Variants in POU2F2 observed in about 807,000 individuals in gnomAD.
POU2F2 encodes POU class 2 homeobox 2, also known as POU domain, class 2, transcription factor 2.
A neutral mutation model predicts 63.5 loss-of-function variants in POU2F2; 14 were observed. The ratio of observed to expected loss-of-function variants is 0.22; its 90% CI spans 0.15 to 0.34. The LOEUF is 0.34. Among genes scored for constraint, POU2F2 ranks in the 10% least tolerant of loss-of-function variants. POU2F2 has a pLI of 1.00. For missense variants in POU2F2, 607 were observed against 815.2 expected (o/e 0.74, Z 3.11); for synonymous variants, 306 against 348.6 (o/e 0.88, Z 1.36).
chr19:42,105,032 T>C (rs1039561440), intron 5 of POU2F2, among the ~76,000 whole-genome samples: 1 of 152,058 alleles, frequency 6.6e-6, no homozygotes, highest in African/African-American at 2.4e-5. Flanking sequence ...GCCTTCCCTT[T>C]CCCAGCTACC....
intron 4 of POU2F2, among the ~76,000 whole-genome samples, chr19:42,120,498 G>A (rs569549119): frequency 1.3e-5 from 2 of 152,316 alleles, no homozygotes; most frequent in South Asian, 2.1e-4. Context: ...GGGAATACAG[G>A]CATGAGCCAC....
At chr19:42,121,861 G>A (rs1167191149) in intron 4 of POU2F2, among the ~76,000 whole-genome samples, 1 of 152,166 alleles carries the variant, frequency 6.6e-6, no homozygotes, top group Non-Finnish European at 1.5e-5. Flanking sequence ...GTTGGGATGG[G>A]GGCGGGCCTT....
At position 42,117,326 on chromosome 19, in the gene POU2F2, G is replaced by T; in HGVS notation, c.293C>A (p.Ala98Glu). 1 of 1,526,202 alleles carries T rather than the reference G, an allele frequency of 6.6e-7. No homozygotes were observed. The highest frequency in any genetic ancestry group is 8.7e-7 in the Non-Finnish European group (1 of 1,148,622). 94.5% of individuals were successfully genotyped at this position (1,526,202 alleles called of 1,614,324 possible). A position where few individuals can be genotyped will look rare whatever the true frequency, so the allele number is the denominator to read the frequency against. The change falls in exon 5 of 15, where the codon GCA (alanine) becomes GAA (glutamate). Residue 98 changes from alanine to glutamate, a missense_variant. Ala to Glu is a moderately radical substitution (Grantham distance 107, BLOSUM62 -1). Transcript: ENST00000692977. This position sits in a 1 kb window ranked among gnomAD's most constrained non-coding sequence, Gnocchi z 4.4. Reference protein sequence around the residue: ...EDPSGDSAPAAPLPPQPAQPH... With the variant: ...EDPSGDSAPAEPLPPQPAQPH... The stretch of plus-strand genomic sequence containing the variant: ...CTGGGCCGGCTGAGGGGGCAGGGGT[G>T]CTGCTGGGGCTGAATCGCCACTGGG...
chr19:42,122,722 C>T, intron 1 of POU2F2, 146 bp from the exon 2 acceptor site: 1 of 722,640 alleles, frequency 1.4e-6, no homozygotes, highest in Non-Finnish European at 2.2e-6. Context: ...TCCCAAGAGA[C>T]ATGTCCTCCG....
chr19:42,133,977 G>A (rs1022113145), upstream of POU2F2, among the ~76,000 whole-genome samples: 1 of 150,946 alleles, frequency 6.6e-6, no homozygotes, highest in Admixed American at 6.6e-5. This position sits in a 1 kb window ranked among gnomAD's most constrained non-coding sequence, Gnocchi z 5.1. Flanking sequence ...CACGAGAGGT[G>A]ACCGTTTCCC....
At chr19:42,110,607 T>C (rs955169639) in intron 5 of POU2F2, 1 of 346,552 alleles carries the variant, frequency 2.9e-6, no homozygotes, top group Non-Finnish European at 5.9e-6. Flanking sequence ...CCTCCTTAAC[T>C]GTACAGGATC....
chr19:42,098,251 A>C (rs908255021), intron 7 of POU2F2, among the ~76,000 whole-genome samples: 1 of 152,090 alleles, frequency 6.6e-6, no homozygotes, highest in Non-Finnish European at 1.5e-5. Flanking sequence ...CATCTCTATT[A>C]AAAATACAAA....
intron 14 of POU2F2, 34 bp from the exon 15 acceptor site, chr19:42,091,625 A>T: frequency 3.2e-6 from 5 of 1,541,278 alleles, no homozygotes; most frequent in Non-Finnish European, 8.8e-7. Context: ...GGCTAAGGGC[A>T]TGCCGGGCCA....
At position 42,090,510 on chromosome 19, in the gene POU2F2, G is replaced by C. The variant is rs1473412772; in HGVS notation, c.*747C>G. Reference sequence around the variant, plus strand: ...GGAGGAGGTTAAAGCAAGACCCCCTGCCCAGGTGGGGAGAGCTGGGGGCCA... The same window carrying C: ...GGAGGAGGTTAAAGCAAGACCCCCTCCCCAGGTGGGGAGAGCTGGGGGCCA... On this transcript the variant is annotated 3_prime_UTR_variant, in exon 15 of 15. Coordinates refer to ENST00000692977, the MANE Select transcript of POU2F2 (RefSeq NM_001394376.1). The surrounding 1 kb of genome is among the most constrained non-coding windows in gnomAD (Gnocchi z 4.4). The C allele has an allele frequency of 6.5e-6, 1 of 152,710 alleles. No individual in the cohort carries two copies. Among genetic ancestry groups the C allele is most frequent in the Non-Finnish European group, 1.5e-5 (1 of 68,068 alleles). 9.5% of individuals were successfully genotyped at this position (152,710 alleles called of 1,614,324 possible).
In POU2F2 at chr19:42,153,356, C is replaced by T. The variant is rs2034392413; in HGVS notation, c.-9+6976G>A. The stretch of plus-strand genomic sequence containing the variant: ...CATGAGTGTTTCCCTGACGCTAAGT[C>T]TCTGTCTGTCCCTTGGGGATGTATC... On this transcript the variant is annotated intron_variant, in intron 2 of 6. Coordinates refer to the POU2F2 transcript ENST00000524801. The surrounding 1 kb of genome is among the most constrained non-coding windows in gnomAD (Gnocchi z 5.6). Among the ~76,000 whole-genome samples, 1 of 152,170 alleles carries T rather than the reference C, an allele frequency of 6.6e-6. No homozygotes were observed.
chr19:42,187,484 A>T (rs1451450410), intron 1 of POU2F2, among the ~76,000 whole-genome samples: 1 of 147,718 alleles, frequency 6.8e-6, no homozygotes, highest in East Asian at 2.0e-4. Context: ...AAAACAGGCC[A>T]GGTGAGGTGG....
intron 5 of POU2F2, among the ~76,000 whole-genome samples, chr19:42,115,161 G>T (rs1334305778): frequency 6.6e-6 from 1 of 152,082 alleles, no homozygotes; most frequent in Non-Finnish European, 1.5e-5. Flanking sequence ...AAAAAAAAAG[G>T]CTACATCTAC....
At position 42,088,851 on chromosome 19, in the gene POU2F2, CT is replaced by C. The variant is rs2076628438; in HGVS notation, c.*2405del. ...CGTGCCGGGGTGGGAGGGGCGGCTA[CT>C]TCACCACTGCCCGGACAAGGCACCC... On this transcript the variant is annotated 3_prime_UTR_variant, in exon 15 of 15. Coordinates refer to ENST00000692977, the MANE Select transcript of POU2F2 (RefSeq NM_001394376.1). The C allele has an allele frequency of 6.6e-6, 1 of 152,668 alleles. No individual in the cohort carries two copies. The highest frequency in any genetic ancestry group is 2.1e-4 in the South Asian group (1 of 4,832). 9.5% of individuals were successfully genotyped at this position (152,668 alleles called of 1,614,324 possible).
rs916532327 is a variant in POU2F2, at chr19:42,092,929, TTTATGTGTATATATA to T, written c.1265-674_1265-660del. Reference sequence around the variant, plus strand: ...AGCCTGGGGAGGGGCAACGTGTTGTTTTATGTGTATATATATTATGTGTATATATATTATGCATAT... The same window carrying T: ...AGCCTGGGGAGGGGCAACGTGTTGTTTTATGTGTATATATATTATGCATAT... On this transcript the variant is annotated intron_variant, in intron 12 of 14. Coordinates refer to ENST00000692977, the MANE Select transcript of POU2F2 (RefSeq NM_001394376.1). This position sits in a 1 kb window ranked among gnomAD's most constrained non-coding sequence, Gnocchi z 5.0. Among the ~76,000 whole-genome samples, 13 of 150,808 alleles carry T rather than the reference TTTATGTGTATATATA, an allele frequency of 8.6e-5. No individual in the cohort carries two copies. Among genetic ancestry groups the T allele is most frequent in the Non-Finnish European group, 1.3e-4 (9 of 67,774 alleles).
chr19:42,102,291 C>T (rs757877972), intron 5 of POU2F2, among the ~76,000 whole-genome samples: 101 of 152,004 alleles, frequency 6.6e-4, no homozygotes, highest in Non-Finnish European at 1.3e-3. Flanking sequence ...ACATCCTGTA[C>T]GATTCTAATG....
intron 1 of POU2F2, among the ~76,000 whole-genome samples, chr19:42,124,219 G>A (rs532838265): frequency 2.7e-5 from 4 of 150,754 alleles, no homozygotes; most frequent in South Asian, 2.1e-4. Context: ...CAGGAGAATC[G>A]CTTGAATCCA....
chr19:42,118,071 C>G (rs2032152872), intron 4 of POU2F2, among the ~76,000 whole-genome samples: 1 of 152,228 alleles, frequency 6.6e-6, no homozygotes, highest in African/African-American at 2.4e-5. Flanking sequence ...ACTACAGGTG[C>G]CCACCACACA....
In POU2F2 at chr19:42,095,796, T is replaced by C. The variant is rs750630894; in HGVS notation, c.863A>G (p.Asn288Ser). ...KLKPLLEKWL[N>S]DAETMSVDSS... ...CCCCAGCCTGGTCCCACCTGCATCG[T>C]TGAGCCACTTCTCCAGGAGGGGCTT... The change falls in exon 9 of 15, where the codon AAC (asparagine) becomes AGC (serine). Residue 288 changes from asparagine (N) to serine (S), a missense_variant. This residue lies in a region of POU2F2 where 39 missense variants were observed against 36.3 expected (regional missense o/e 1.07). Transcript: ENST00000692977. The surrounding 1 kb of genome is among the most constrained non-coding windows in gnomAD (Gnocchi z 7.1). 6 of 1,613,862 alleles carry C rather than the reference T, an allele frequency of 3.7e-6. No individual in the cohort carries two copies. The highest frequency in any genetic ancestry group is 4.2e-6 in the Non-Finnish European group (5 of 1,179,906).
chr19:42,191,523 A>G (rs2035075178), intron 1 of POU2F2, among the ~76,000 whole-genome samples: 1 of 152,138 alleles, frequency 6.6e-6, no homozygotes, highest in South Asian at 2.1e-4. Flanking sequence ...GAGTCCCTTC[A>G]TTAAATTATC....
Sources: allele counts gnomAD v4.1 joint callset (sites outside exome capture counted in the v4.1 genomes callset), GRCh38; gene constraint gnomAD v4.1.1; regional missense constraint gnomAD v4.1.1; non-coding constraint Gnocchi (gnomAD v3.1); transcripts MANE v1.5; gene names NCBI Gene and HGNC (gene_info 2026-07-23, HGNC 2026-07-21).